PTPRD: variants seen among roughly 807,000 people sequenced by gnomAD.
The protein encoded by PTPRD is receptor-type tyrosine-protein phosphatase delta.
Under a neutral mutation model 214.5 loss-of-function variants are expected in PTPRD, and 34 were observed. That is an observed-to-expected ratio of 0.16 (90% CI 0.12 to 0.21). The LOEUF is 0.21. Among genes scored for constraint, PTPRD ranks in the 10% least tolerant of loss-of-function variants. PTPRD has a pLI of 1.00. For missense variants in PTPRD, 2,545 were observed against 2,398.7 expected, an observed-to-expected ratio of 1.06 and a Z score of -1.27; for synonymous variants, 1,128 against 845.7, an observed-to-expected ratio of 1.33 and a Z score of -5.79.
chr9:8,623,542 A>G (rs549190059), intron 14 of PTPRD, among the ~76,000 whole-genome samples: 167 of 152,006 alleles, frequency 1.1e-3, no homozygotes, highest in African/African-American at 3.6e-3. Flanking sequence ...CTTTAATCAA[A>G]TAATTTGAAA....
At chr9:8,584,453 A>G (rs980743683) in intron 14 of PTPRD, among the ~76,000 whole-genome samples, 5 of 83,550 alleles carry the variant, frequency 6.0e-5, no homozygotes, top group African/African-American at 1.5e-4. Flanking sequence ...TTAGTTACTG[A>G]AAAAAAAAAA....
At chr9:9,092,107 T>C (rs2099777048) in intron 10 of PTPRD, among the ~76,000 whole-genome samples, 1 of 152,204 alleles carries the variant, frequency 6.6e-6, no homozygotes, top group African/African-American at 2.4e-5. Flanking sequence ...TGGATGGTAA[T>C]AAAACACTAG....
chr9:10,493,673 CCTATT>C (rs969499017), intron 2 of PTPRD, among the ~76,000 whole-genome samples: 3 of 151,974 alleles, frequency 2.0e-5, no homozygotes, highest in Middle Eastern at 3.4e-3. Context: ...ATCAAACACT[CCTATT>C]CTTATATTTT....
chr9:9,129,887 C>G (rs899577643), intron 10 of PTPRD, among the ~76,000 whole-genome samples: 2 of 152,174 alleles, frequency 1.3e-5, no homozygotes, highest in African/African-American at 4.8e-5. Flanking sequence ...AGTTTTTCCA[C>G]TTACCAGTTT....
In PTPRD at chr9:8,486,102, C is replaced by T. The variant is rs2135949110; in HGVS notation, c.2715G>A (p.Glu905=). 6.2e-7 allele frequency: 1 copy of T among 1,614,182 alleles called. No individual in the cohort carries two copies. Among genetic ancestry groups the T allele is most frequent in the Non-Finnish European group, 8.5e-7 (1 of 1,180,034 alleles). ...GAATGGAAATCTCCTTCACCATCTC[C>T]TCCCCAAAGCCCACTTTGTTTCTGG... ...LSARNKVGFG[E]EMVKEISIPE... is the part of the protein sequence containing the mutation. The change falls in exon 28 of 46, where the codon GAG becomes GAA. Residue 905 remains glutamate (E), a synonymous_variant. Coordinates refer to ENST00000381196, the MANE Select transcript of PTPRD (RefSeq NM_002839.4).
chr9:9,196,366 C>T (rs1223132256), intron 9 of PTPRD, among the ~76,000 whole-genome samples: 4 of 152,120 alleles, frequency 2.6e-5, no homozygotes, highest in African/African-American at 9.7e-5. Flanking sequence ...TCACAAATCT[C>T]CTTGCTCTGA....
rs1254089629 is a variant in PTPRD, at chr9:9,275,121, ATATATAT to A, written c.-202-91765_-202-91759del. Among the ~76,000 whole-genome samples, 4 of 56,726 alleles carry A rather than the reference ATATATAT, an allele frequency of 7.1e-5. 1 individual carries two copies. Among genetic ancestry groups the A allele is most frequent in the African/African-American group, 2.1e-4 (3 of 14,268 alleles). The allele number at this position is 56,726 out of a possible 152,430, so 37.2% of individuals were successfully genotyped here. On this transcript the variant is annotated intron_variant, in intron 9 of 45. Transcript: ENST00000381196. Reference sequence around the variant, plus strand: ...ATATATAATATATTATATATATATTATATATATTATATATAATATATATATAATATAT... The same window carrying A: ...ATATATAATATATTATATATATATTATATATATAATATATATATAATATAT...
chr9:10,363,504 T>C (rs2097436511), intron 2 of PTPRD, among the ~76,000 whole-genome samples: 1 of 152,238 alleles, frequency 6.6e-6, no homozygotes, highest in African/African-American at 2.4e-5. Context: ...TGTTAAATTC[T>C]TCAAGCTCCA....
chr9:9,652,617 CT>C (rs112986308), intron 7 of PTPRD, among the ~76,000 whole-genome samples: 1,650 of 143,774 alleles, frequency 0.011, 21 homozygotes, highest in African/African-American at 0.033. Context: ...TAATATACCA[CT>C]TTTTTTTTTT....
chr9:10,564,158 A>G (rs2064890992), intron 2 of PTPRD, among the ~76,000 whole-genome samples: 1 of 63,240 alleles, frequency 1.6e-5, no homozygotes, highest in Admixed American at 1.9e-4. Flanking sequence ...GTGCACCACC[A>G]CACTAGGCTA....
intron 11 of PTPRD, among the ~76,000 whole-genome samples, chr9:8,833,554 T>C (rs893676990): frequency 3.3e-5 from 5 of 151,244 alleles, no homozygotes; most frequent in African/African-American, 1.2e-4. Flanking sequence ...TTTTTCTCAC[T>C]TGTTAGGGCT....
At chr9:10,540,363 T>C (rs2135243639) in intron 2 of PTPRD, among the ~76,000 whole-genome samples, 1 of 152,266 alleles carries the variant, frequency 6.6e-6, no homozygotes, top group African/African-American at 2.4e-5. Flanking sequence ...TGTGTAAAAG[T>C]CAGAAATTCT....
chr9:9,859,089 G>A (rs998364009), intron 5 of PTPRD, among the ~76,000 whole-genome samples: 1 of 152,074 alleles, frequency 6.6e-6, no homozygotes, highest in Non-Finnish European at 1.5e-5. Flanking sequence ...AAAAAGGGCT[G>A]ATGATTTTAA....
intron 7 of PTPRD, among the ~76,000 whole-genome samples, chr9:9,597,497 T>G (rs920840236): frequency 2.0e-5 from 3 of 151,978 alleles, no homozygotes; most frequent in Non-Finnish European, 4.4e-5. Context: ...CCTTGAAAAC[T>G]GATTGTTCAA....
chr9:10,488,751 TG>T, intron 2 of PTPRD, among the ~76,000 whole-genome samples: 1 of 152,166 alleles, frequency 6.6e-6, no homozygotes, highest in South Asian at 2.1e-4. Flanking sequence ...CACAGGCCCA[TG>T]GGGAGTACTG....
At chr9:9,135,785 T>A (rs563286796) in intron 10 of PTPRD, among the ~76,000 whole-genome samples, 20 of 152,216 alleles carry the variant, frequency 1.3e-4, no homozygotes, top group Admixed American at 1.2e-3. Flanking sequence ...TTTAATAGTT[T>A]AAAGATAGAA....
intron 9 of PTPRD, among the ~76,000 whole-genome samples, chr9:9,229,823 T>C (rs1012620152): frequency 6.6e-6 from 1 of 152,012 alleles, no homozygotes; most frequent in Admixed American, 6.6e-5. Context: ...AACAAATTTA[T>C]CATTGTGAAC....
intron 10 of PTPRD, among the ~76,000 whole-genome samples, chr9:9,052,206 A>C (rs572856576): frequency 6.6e-6 from 1 of 152,282 alleles, no homozygotes; most frequent in East Asian, 1.9e-4. Context: ...CTATTTTATT[A>C]GGATACAATC....
intron 11 of PTPRD, among the ~76,000 whole-genome samples, chr9:8,969,623 A>G (rs1289022856): frequency 2.0e-5 from 3 of 152,054 alleles, no homozygotes; most frequent in Admixed American, 2.0e-4. Flanking sequence ...GTATGCAAAT[A>G]AAACTTATTA....
Sources: gnomAD v4.1 joint callset for allele counts (sites outside exome capture counted in the v4.1 genomes callset) on GRCh38, gnomAD v4.1.1 for gene constraint, MANE v1.5 for transcripts, NCBI Gene and HGNC (gene_info 2026-07-23, HGNC 2026-07-21) for gene names.